The following TRPC5 variants were observed in gnomAD, a reference collection of about 807,000 sequenced individuals.
TRPC5 encodes the protein short transient receptor potential channel 5.
A neutral mutation model predicts 56.5 loss-of-function variants in TRPC5; 9 were observed. The ratio of observed to expected loss-of-function variants is 0.16; its 90% CI spans 0.10 to 0.28. The LOEUF (loss-of-function observed/expected upper bound fraction) is 0.28, where lower values mean the gene tolerates loss of function less well. Among genes scored for constraint, TRPC5 ranks in the 10% least tolerant of loss-of-function variants. TRPC5 has a pLI of 1.00. For missense variants in TRPC5, 469 were observed against 748.9 expected (o/e 0.63, Z 4.36); for synonymous variants, 282 against 278.5 (o/e 1.01, Z -0.13).
At chrX:111,825,398 C>T (rs993989796) in intron 7 of TRPC5, among the ~76,000 whole-genome samples, 3 of 107,868 alleles carry the variant, frequency 2.8e-5, no homozygotes, top group African/African-American at 1.0e-4. Flanking sequence ...ACTACAGGTA[C>T]GCACCACCAT....
chrX:111,980,409 A>T (rs1234783782), intron 1 of TRPC5, among the ~76,000 whole-genome samples: 5 of 111,266 alleles, frequency 4.5e-5, no homozygotes, highest in African/African-American at 1.6e-4. Flanking sequence ...GTTTAATGGG[A>T]TATATGTCAA....
intron 2 of TRPC5, among the ~76,000 whole-genome samples, chrX:111,930,511 G>A (rs1926379622): frequency 9.0e-6 from 1 of 111,057 alleles, no homozygotes; most frequent in African/African-American, 3.3e-5. Flanking sequence ...TGAGGCACGA[G>A]AATAGCTTGA....
intron 1 of TRPC5, among the ~76,000 whole-genome samples, chrX:112,026,571 G>A (rs186175238): frequency 3.7e-4 from 41 of 111,925 alleles, no homozygotes; most frequent in African/African-American, 1.2e-3. Flanking sequence ...AAATGCCCTA[G>A]ACTCTTTTTC....
chrX:112,026,359 C>T (rs890359606), intron 1 of TRPC5, among the ~76,000 whole-genome samples: 3 of 112,221 alleles, frequency 2.7e-5, no homozygotes, highest in African/African-American at 9.7e-5. Context: ...ATTGCTGGAC[C>T]CTTTCAGGGC....
intron 1 of TRPC5, among the ~76,000 whole-genome samples, chrX:111,967,135 A>G (rs1399401513): frequency 2.7e-5 from 3 of 112,185 alleles, no homozygotes; most frequent in Admixed American, 9.4e-5. Context: ...GCAAAGTCTC[A>G]GGATACAAAA....
chrX:111,937,837 T>A (rs1310381515), intron 2 of TRPC5, among the ~76,000 whole-genome samples: 1 of 106,868 alleles, frequency 9.4e-6, no homozygotes, highest in Non-Finnish European at 1.9e-5. Context: ...GGGCTCTTTT[T>A]TGGTTCCATA....
At chrX:111,998,545 CCA>C (rs1288639138) in intron 1 of TRPC5, among the ~76,000 whole-genome samples, 1 of 111,745 alleles carries the variant, frequency 8.9e-6, no homozygotes, top group Admixed American at 9.6e-5. Flanking sequence ...CCTGCCAAAC[CCA>C]CAGATACAAA....
intron 1 of TRPC5, among the ~76,000 whole-genome samples, chrX:111,999,118 AGT>A (rs1350957414): frequency 1.8e-5 from 2 of 110,138 alleles, no homozygotes; most frequent in East Asian, 5.7e-4. Context: ...GACAGTTCCC[AGT>A]GTGTGATGTT....
chrX:112,060,676 A>G (rs974684236), intron 1 of TRPC5, among the ~76,000 whole-genome samples: 21 of 111,547 alleles, frequency 1.9e-4, no homozygotes, highest in Non-Finnish European at 3.6e-4. Context: ...TCACTTCCCA[A>G]GCGAAGTTCT....
intron 1 of TRPC5, among the ~76,000 whole-genome samples, chrX:112,060,466 G>A (rs757525091): frequency 1.8e-5 from 2 of 112,378 alleles, no homozygotes; most frequent in East Asian, 5.6e-4. Context: ...TAATGAACAT[G>A]AGGCTGCTCC....
intron 6 of TRPC5, among the ~76,000 whole-genome samples, chrX:111,840,101 T>C: frequency 8.9e-6 from 1 of 111,835 alleles, no homozygotes. Flanking sequence ...ACCCGGGAGG[T>C]GGAGCTTGCA....
chrX:111,880,004 T>C, intron 3 of TRPC5, among the ~76,000 whole-genome samples: 1 of 112,018 alleles, frequency 8.9e-6, no homozygotes, highest in South Asian at 3.8e-4. Flanking sequence ...TTTCTCAGAA[T>C]GACGTGGTAG....
intron 1 of TRPC5, among the ~76,000 whole-genome samples, chrX:112,015,034 ATT>A (rs59820631): frequency 0.055 from 4,673 of 85,735 alleles, 236 homozygotes; most frequent in African/African-American, 0.17. Flanking sequence ...CCTTCTTGCC[ATT>A]TTTTTTTTTT....
At position 111,768,235 on chromosome X, in the gene TRPC5, A is replaced by G. The variant is rs972307219; in HGVS notation, c.*8078T>C. On this transcript the variant is annotated 3_prime_UTR_variant, in exon 11 of 11. Coordinates refer to ENST00000262839, the MANE Select transcript of TRPC5 (RefSeq NM_012471.3). The stretch of plus-strand genomic sequence containing the variant: ...GACACATTTGGAATTTTCCCTTTTC[A>G]TGATTATGCTCAAGATGTATCATTT... Among the ~76,000 whole-genome samples, 2 of 112,123 alleles carry G rather than the reference A, an allele frequency of 1.8e-5. No individual in the cohort carries two copies. The highest frequency in any genetic ancestry group is 3.8e-5 in the Non-Finnish European group (2 of 53,149).
chrX:111,888,877 A>G (rs956509349), intron 3 of TRPC5, among the ~76,000 whole-genome samples: 3 of 111,091 alleles, frequency 2.7e-5, no homozygotes, highest in Non-Finnish European at 5.7e-5. Flanking sequence ...GGCAGAGCCA[A>G]CAGGATATCC....
At chrX:111,827,168 C>G (rs914137679) in intron 7 of TRPC5, among the ~76,000 whole-genome samples, 1 of 111,751 alleles carries the variant, frequency 8.9e-6, no homozygotes, top group Non-Finnish European at 1.9e-5. Context: ...TCCCATCCCT[C>G]TGGCTGTTCT....
At chrX:111,886,311 G>A (rs751188086) in intron 3 of TRPC5, among the ~76,000 whole-genome samples, 17 of 111,938 alleles carry the variant, frequency 1.5e-4, no homozygotes, top group African/African-American at 5.2e-4. Context: ...TCTTCCATCC[G>A]GCCTACTTCC....
chrX:111,846,989 G>T, intron 6 of TRPC5, 125 bp downstream of exon 6: 2 of 743,387 alleles, frequency 2.7e-6, no homozygotes, highest in Non-Finnish European at 3.9e-6. Flanking sequence ...GATCCACAGT[G>T]AGCACTGCCT....
intron 1 of TRPC5, among the ~76,000 whole-genome samples, chrX:112,038,775 G>T (rs1056032765): frequency 4.6e-5 from 5 of 108,959 alleles, no homozygotes; most frequent in Admixed American, 2.9e-4. Context: ...TCCGCCTCCT[G>T]GGTTCATACC....
Sources: gnomAD v4.1 joint callset for allele counts (sites outside exome capture counted in the v4.1 genomes callset) on GRCh38, gnomAD v4.1.1 for gene constraint, MANE v1.5 for transcripts, NCBI Gene and HGNC (gene_info 2026-07-23, HGNC 2026-07-21) for gene names.